COLGALT1: variants seen among roughly 807,000 people sequenced by gnomAD.
COLGALT1 encodes collagen beta(1-O)galactosyltransferase 1.
COLGALT1 carries 43 observed loss-of-function variants against 60.8 expected under a neutral mutation model. The observed-to-expected ratio is 0.71, with a 90% CI of 0.55 to 0.91. The LOEUF is 0.91. Among genes scored for constraint, COLGALT1 ranks in the 40% least tolerant of loss-of-function variants. The pLI, the probability that COLGALT1 is intolerant of heterozygous loss-of-function variation, is 0.00. For synonymous variants in COLGALT1, 369 were observed against 374.2 expected (o/e 0.99, Z 0.16); for missense variants, 845 against 880.0 (o/e 0.96, Z 0.50).
At chr19:17,579,354 C>A in intron 9 of COLGALT1, 128 bp from the exon 10 acceptor site, 1 of 1,267,762 alleles carries the variant, frequency 7.9e-7, no homozygotes, top group Non-Finnish European at 1.1e-6. Context: ...GTCCCTGGAG[C>A]TAGGAGAGGC....
chr19:17,568,357 C>A (rs2076291254), intron 4 of COLGALT1, 152 bp from the exon 5 acceptor site: 4 of 677,460 alleles, frequency 5.9e-6, no homozygotes, highest in Admixed American at 4.5e-5. Flanking sequence ...CCACAGGTCC[C>A]ACACTGGGCT....
intron 1 of COLGALT1, among the ~76,000 whole-genome samples, chr19:17,557,682 A>G (rs967872737): frequency 2.0e-5 from 3 of 152,230 alleles, no homozygotes; most frequent in Admixed American, 6.5e-5. Flanking sequence ...GCTCACTGCA[A>G]CTTCCCCCTC....
In COLGALT1 at chr19:17,575,971, C is replaced by T. The variant is rs533377574; in HGVS notation, c.950-1224C>T. Among the ~76,000 whole-genome samples, 4 of 152,268 alleles carry T rather than the reference C, an allele frequency of 2.6e-5. No homozygotes were observed. The East Asian group carries it at 5.8e-4, about 22-fold the overall frequency. ...ACACAGTTCACCCCATGACATAGTGCATGATCTCATGACATCTCTTTGTGA... is the reference window on the plus strand; with the variant it reads ...ACACAGTTCACCCCATGACATAGTGTATGATCTCATGACATCTCTTTGTGA... On this transcript the variant is annotated intron_variant, in intron 6 of 11. Transcript: ENST00000252599.
At chr19:17,577,318 T>G in intron 7 of COLGALT1, 43 bp from the exon 8 acceptor site, 7 of 1,608,998 alleles carry the variant, frequency 4.4e-6, no homozygotes, top group Non-Finnish European at 5.9e-6. Flanking sequence ...GGAGGGCCCT[T>G]GTTTGCAGGG....
In COLGALT1 at chr19:17,572,599, A is replaced by G; in HGVS notation, c.946A>G (p.Met316Val). The G allele has an allele frequency of 6.2e-7, 1 of 1,613,894 alleles. No individual in the cohort carries two copies. The highest frequency in any genetic ancestry group is 2.2e-5 in the East Asian group (1 of 44,874). The change falls in exon 6 of 12, where the codon ATG becomes GTG. Residue 316 changes from methionine (M) to valine (V), a missense_variant. By Grantham distance (21) the Met-to-Val change is conservative (BLOSUM62 1). Coordinates refer to ENST00000252599, the MANE Select transcript of COLGALT1 (RefSeq NM_024656.4). ...ESFMHVQLEVMVKHPPAEPSR... is the reference protein window; with the variant it reads ...ESFMHVQLEVVVKHPPAEPSR... ...CTTCATGCATGTGCAGCTGGAGGTC[A>G]TGGGTGAGTCTGCCTGCACACCGCC... is the stretch of plus-strand genomic sequence containing the variant.
chr19:17,581,295 T>C lies in COLGALT1; in HGVS notation c.1720T>C (p.Ser574Pro), dbSNP rs2076380513. 3.7e-6 allele frequency: 6 copies of C among 1,612,702 alleles called. No homozygotes were observed. The highest frequency in any genetic ancestry group is 5.1e-6 in the Non-Finnish European group (6 of 1,179,882). The change falls in exon 12 of 12, where the codon TCA (serine) becomes CCA (proline). Residue 574 changes from serine to proline, a missense_variant. Physicochemically the swap from Ser to Pro is moderately conservative, Grantham distance 74. Transcript: ENST00000252599. ...DDGYVSDTET[S>P]VVWNNEHVKT... ...TGGCTATGTGAGTGACACCGAGACC[T>C]CAGTCGTATGGAACAATGAGCACGT...
At chr19:17,577,737 A>G (rs2076353149) in intron 8 of COLGALT1, among the ~76,000 whole-genome samples, 1 of 151,912 alleles carries the variant, frequency 6.6e-6, no homozygotes, top group South Asian at 2.1e-4. Context: ...GGGACTGTGG[A>G]GGGGTAAGTC....
At chr19:17,565,539 G>A (rs963470869) in intron 3 of COLGALT1, among the ~76,000 whole-genome samples, 1 of 151,632 alleles carries the variant, frequency 6.6e-6, no homozygotes, top group Non-Finnish European at 1.5e-5. Flanking sequence ...GGTGGTGCGC[G>A]CCTGTATTTA....
chr19:17,558,506 C>T (rs1490910899), intron 1 of COLGALT1, among the ~76,000 whole-genome samples: 2 of 150,054 alleles, frequency 1.3e-5, no homozygotes, highest in African/African-American at 4.9e-5. Flanking sequence ...GGCGAAACCC[C>T]ATCTCTACTA....
Position 17,579,725 on chromosome 19 carries a change from C to T in COLGALT1, c.1394+116C>T, listed in dbSNP as rs182801383. ...CTGGGGATGGGTCATGGCTTAGAGG[C>T]GGGGCTTGAAGGTGGGGTGGAACTG... On this transcript the variant is annotated intron_variant, in intron 10 of 11. Coordinates refer to ENST00000252599, the MANE Select transcript of COLGALT1 (RefSeq NM_024656.4). The T allele has an allele frequency of 7.6e-5, 99 of 1,301,626 alleles. No homozygotes were observed. The African/African-American group carries it at 1.1e-3, about 14-fold the overall frequency. 80.6% of individuals were successfully genotyped at this position (1,301,626 alleles called of 1,614,324 possible).
At chr19:17,577,093 G>T (rs966483670) in intron 6 of COLGALT1, 102 bp from the exon 7 acceptor site, 1 of 1,192,336 alleles carries the variant, frequency 8.4e-7, no homozygotes, top group East Asian at 2.4e-5. Flanking sequence ...TTTGTGGGCC[G>T]AGCCAGTCTG....
Position 17,577,421 on chromosome 19 carries a change from C to T in COLGALT1, c.1087C>T (p.Gln363Ter). 2.1e-6 allele frequency: 3 copies of T among 1,444,706 alleles called. No homozygotes were observed. Among genetic ancestry groups the T allele is most frequent in the Non-Finnish European group, 2.8e-6 (3 of 1,088,556 alleles). The allele number at this position is 1,444,706 out of a possible 1,614,324, so 89.5% of individuals were successfully genotyped here. A position where few individuals can be genotyped will look rare whatever the true frequency, so the allele number is the denominator to read the frequency against. Residue 363 changes from glutamine (Q) to a stop codon, truncating the protein, a stop_gained, in exon 8 of 12, where the codon CAG (glutamine) becomes TAG (stop). Transcript: ENST00000252599. LOFTEE classifies it high-confidence loss of function. ...DRRERMLRAL[Q>*]AQEIECRLVE... ...GCGGGAGCGCATGCTGCGGGCGCTGCAGGCACAGGAGATCGAGTGCCGGCT... is the reference window on the plus strand; with the variant it reads ...GCGGGAGCGCATGCTGCGGGCGCTGTAGGCACAGGAGATCGAGTGCCGGCT...
At position 17,582,641 on chromosome 19, in the gene COLGALT1, G is replaced by A. The variant is rs76660578; in HGVS notation, c.*1197G>A. ...TGTTTATTGAGCACCTGTGTGCCAG[G>A]CCTCACAGACTCCCAGTTGGGTTGA... On this transcript the variant is annotated 3_prime_UTR_variant, in exon 12 of 12. Transcript: ENST00000252599. 0.046 allele frequency: 6,960 copies of A among 152,324 alleles called. 232 individuals are homozygous for A. Among genetic ancestry groups the A allele is most frequent in the Non-Finnish European group, 0.067 (4,527 of 68,028 alleles). 9.4% of individuals were successfully genotyped at this position (152,324 alleles called of 1,614,324 possible).
intron 1 of COLGALT1, among the ~76,000 whole-genome samples, 184 bp from the exon 2 acceptor site, chr19:17,559,126 CT>C (rs1180767475): frequency 6.6e-6 from 1 of 152,110 alleles, no homozygotes. Context: ...CGCCACTGCA[CT>C]CCAGCCTGGG....
intron 5 of COLGALT1, 127 bp from the exon 6 acceptor site, chr19:17,572,356 C>T: frequency 7.3e-7 from 1 of 1,374,342 alleles, no homozygotes; most frequent in South Asian, 1.2e-5. Flanking sequence ...GTTGCCCAGG[C>T]TGGTCTCAGA....
chr19:17,572,706 A>C (rs758827006), intron 6 of COLGALT1, 104 bp downstream of exon 6: 13 of 1,525,304 alleles, frequency 8.5e-6, no homozygotes, highest in Non-Finnish European at 1.1e-5. Context: ...GGCAGATGCA[A>C]GTCCCTGTGG....
chr19:17,576,992 G>T, intron 6 of COLGALT1: 1 of 594,758 alleles, frequency 1.7e-6, no homozygotes, highest in Non-Finnish European at 3.0e-6. Context: ...GGCCTGGGGT[G>T]TGGCCAGGGC....
In COLGALT1 at chr19:17,577,946, C is replaced by T; in HGVS notation, c.1134-11C>T. 6.3e-7 allele frequency: 1 copy of T among 1,599,872 alleles called. No individual in the cohort carries two copies. The highest frequency in any genetic ancestry group is 8.5e-7 in the Non-Finnish European group (1 of 1,172,176). ...GAACCTTCTTCGTGACCCTCTCCTC[C>T]TCCTCTCCAGAGCCATGAACACCAG... is the stretch of plus-strand genomic sequence containing the variant. On this transcript the variant is annotated splice_polypyrimidine_tract_variant and intron_variant, in intron 8 of 11. Coordinates refer to ENST00000252599, the MANE Select transcript of COLGALT1 (RefSeq NM_024656.4).
intron 3 of COLGALT1, among the ~76,000 whole-genome samples, chr19:17,566,816 A>G (rs936225424): frequency 7.2e-5 from 11 of 151,956 alleles, no homozygotes; most frequent in African/African-American, 2.4e-4. Context: ...AAAAATGAAG[A>G]AAAAGTAAAA....
Sources: allele counts gnomAD v4.1 joint callset (sites outside exome capture counted in the v4.1 genomes callset), GRCh38; gene constraint gnomAD v4.1.1; transcripts MANE v1.5; gene names NCBI Gene and HGNC (gene_info 2026-07-23, HGNC 2026-07-21).